MYO3A: variants seen among roughly 807,000 people sequenced by gnomAD.
The protein encoded by MYO3A is myosin-IIIa.
Under a neutral mutation model 192.7 loss-of-function variants are expected in MYO3A, and 180 were observed. That is an observed-to-expected ratio of 0.93 (90% CI 0.83 to 1.06). The LOEUF (loss-of-function observed/expected upper bound fraction) is 1.06, where lower values mean the gene tolerates loss of function less well. MYO3A is among the 50% of genes least tolerant of loss of function. The pLI is 0.00. For synonymous variants in MYO3A, 628 were observed against 645.3 expected, an observed-to-expected ratio of 0.97 and a Z score of 0.41; for missense variants, 1,896 against 1,905.0, an observed-to-expected ratio of 1.00 and a Z score of 0.09.
At chr10:26,107,496 A>G (rs1369031098) in intron 17 of MYO3A, among the ~76,000 whole-genome samples, 1 of 151,806 alleles carries the variant, frequency 6.6e-6, no homozygotes, top group Non-Finnish European at 1.5e-5. Flanking sequence ...AAAAAAAAAA[A>G]AAAAGATTAG....
chr10:26,095,622 G>C (rs923092308), intron 15 of MYO3A, among the ~76,000 whole-genome samples: 1 of 152,022 alleles, frequency 6.6e-6, no homozygotes, highest in Admixed American at 6.6e-5. Flanking sequence ...GGAAGGAGAG[G>C]GGACCCCAAG....
chr10:26,007,522 A>G (rs997428392), intron 6 of MYO3A, among the ~76,000 whole-genome samples: 2 of 152,144 alleles, frequency 1.3e-5, no homozygotes, highest in African/African-American at 4.8e-5. Flanking sequence ...CTGATAAGCA[A>G]CTTCAGCAAA....
In MYO3A at chr10:25,950,145, A is replaced by G. The variant is rs1837111900; in HGVS notation, c.-17-1949A>G. On this transcript the variant is annotated intron_variant, in intron 2 of 34. Transcript: ENST00000642920. ...GGGAGGGCCTTTCTAAGAAATTGAC[A>G]TTTGAACTGAGATCTACAGGACAAG... Among the ~76,000 whole-genome samples, 4 of 152,228 alleles carry G rather than the reference A, an allele frequency of 2.6e-5. No individual in the cohort carries two copies. In the South Asian group the frequency reaches 8.3e-4, roughly 32 times the overall value.
Position 26,120,684 on chromosome 10 carries a change from T to C in MYO3A, c.1785T>C (p.Gly595=), listed in dbSNP as rs746530670. The C allele has an allele frequency of 1.2e-5, 20 of 1,613,954 alleles. No homozygotes were observed. The highest frequency in any genetic ancestry group is 4.4e-5 in the South Asian group (4 of 91,084). ...TCTGTGGTGTGTTTCAGCAACTTGG[T>C]AGTATATACAGCATACTCGCTGCAA... The part of the protein sequence containing the change: ...KVIGFTMEQL[G]SIYSILAAIL... Residue 595 remains glycine, a synonymous_variant, in exon 18 of 35, where the codon GGT becomes GGC. Transcript: ENST00000642920.
chr10:25,997,539 A>G (rs1262001650), intron 6 of MYO3A, among the ~76,000 whole-genome samples: 2 of 152,200 alleles, frequency 1.3e-5, no homozygotes, highest in Non-Finnish European at 2.9e-5. Flanking sequence ...TGATTACTGT[A>G]AGCCTATAAT....
At chr10:26,137,115 TG>T (rs1340379980) in intron 20 of MYO3A, among the ~76,000 whole-genome samples, 2 of 152,190 alleles carry the variant, frequency 1.3e-5, no homozygotes, top group East Asian at 3.8e-4. Flanking sequence ...ATAAAATTAT[TG>T]TTGATTCTTA....
intron 6 of MYO3A, among the ~76,000 whole-genome samples, chr10:26,002,870 C>G (rs1252414029): frequency 3.9e-5 from 6 of 152,148 alleles, no homozygotes. Flanking sequence ...ACGCCCTGTA[C>G]TTCATTTAGC....
intron 3 of MYO3A, among the ~76,000 whole-genome samples, chr10:25,953,000 A>G (rs1837305144): frequency 1.3e-5 from 2 of 151,762 alleles, no homozygotes; most frequent in Admixed American, 1.3e-4. Flanking sequence ...GTTTCAGAAT[A>G]TCTTCAGGTT....
At chr10:25,965,881 A>G (rs1274220762) in intron 4 of MYO3A, among the ~76,000 whole-genome samples, 1 of 151,762 alleles carries the variant, frequency 6.6e-6, no homozygotes, top group Non-Finnish European at 1.5e-5. Context: ...TGCAGCACCC[A>G]GAGAAACTCT....
chr10:26,206,065 A>AT (rs746654545), intron 34 of MYO3A, among the ~76,000 whole-genome samples: 5,525 of 141,552 alleles, frequency 0.039, 294 homozygotes, highest in African/African-American at 0.12. Context: ...CTGAGTGCAG[A>AT]TTTTTTTTTT....
At chr10:26,154,264 C>T (rs550640854) in intron 24 of MYO3A, among the ~76,000 whole-genome samples, 1 of 152,274 alleles carries the variant, frequency 6.6e-6, no homozygotes, top group East Asian at 1.9e-4. Context: ...TCACTGCAAC[C>T]TCTGCCTCCC....
intron 11 of MYO3A, 43 bp from the exon 12 acceptor site, chr10:26,068,725 C>T (rs768911875): frequency 5.3e-6 from 7 of 1,311,398 alleles, no homozygotes; most frequent in Non-Finnish European, 6.6e-6. Flanking sequence ...TAGTTGACCA[C>T]AAATAATTTT....
chr10:26,128,223 T>C (rs908451071), intron 19 of MYO3A, among the ~76,000 whole-genome samples, 168 bp from the exon 20 acceptor site: 1 of 152,208 alleles, frequency 6.6e-6, no homozygotes, highest in Non-Finnish European at 1.5e-5. Context: ...TCTGCCGTTA[T>C]CTTTATGTGC....
intron 2 of MYO3A, among the ~76,000 whole-genome samples, chr10:25,951,754 C>G (rs1037512039): frequency 7.2e-5 from 11 of 151,920 alleles, no homozygotes; most frequent in Admixed American, 2.0e-4. Context: ...AAGGTTCATT[C>G]TAAAATTATT....
At chr10:26,007,928 A>C (rs1263648919) in intron 6 of MYO3A, among the ~76,000 whole-genome samples, 1 of 152,146 alleles carries the variant, frequency 6.6e-6, no homozygotes, top group Non-Finnish European at 1.5e-5. Flanking sequence ...TCGCTAAGTC[A>C]ATCCTAAGCC....
intron 10 of MYO3A, among the ~76,000 whole-genome samples, chr10:26,049,770 G>C (rs540708938): frequency 6.8e-6 from 1 of 146,476 alleles, no homozygotes; most frequent in Non-Finnish European, 1.5e-5. Context: ...TTGCCTTCTG[G>C]GTTCAAGCAA....
In MYO3A at chr10:25,936,640, C is replaced by T. The variant is rs1331040404; in HGVS notation, c.-18+810C>T. Among the ~76,000 whole-genome samples, 7 of 152,090 alleles carry T rather than the reference C, an allele frequency of 4.6e-5. No individual in the cohort carries two copies. The East Asian group carries it at 1.4e-3, about 29-fold the overall frequency. Reference sequence around the variant, plus strand: ...CACAGACGATCCCTTACTACTTTGGCGACACATTGGGAGTTAGGAACCTCA... The same window carrying T: ...CACAGACGATCCCTTACTACTTTGGTGACACATTGGGAGTTAGGAACCTCA... On this transcript the variant is annotated intron_variant, in intron 2 of 34. Coordinates refer to ENST00000642920, the MANE Select transcript of MYO3A (RefSeq NM_017433.5).
chr10:26,067,010 A>C lies in MYO3A; in HGVS notation c.989A>C (p.Asn330Thr), dbSNP rs777804932. Reference sequence around the variant, plus strand: ...ATTCACACGAAGAAAGGGAACTTCAACCGACCTCTAATATCCAATCTGAAG... The same window carrying C: ...ATTCACACGAAGAAAGGGAACTTCACCCGACCTCTAATATCCAATCTGAAG... ...ERIHTKKGNFNRPLISNLKDV... is the reference protein window; with the variant it reads ...ERIHTKKGNFTRPLISNLKDV... The change falls in exon 11 of 35, where the codon AAC becomes ACC. Residue 330 changes from asparagine to threonine, a missense_variant. Asn to Thr is a moderately conservative substitution (Grantham distance 65). Transcript: ENST00000642920. The C allele has an allele frequency of 1.2e-6, 2 of 1,612,982 alleles. No homozygotes were observed. The highest frequency in any genetic ancestry group is 1.7e-6 in the Non-Finnish European group (2 of 1,178,970).
chr10:26,206,378 T>C (rs923848211), intron 34 of MYO3A, among the ~76,000 whole-genome samples: 7 of 149,362 alleles, frequency 4.7e-5, no homozygotes, highest in African/African-American at 1.7e-4. Context: ...CTTTTTTACA[T>C]ACTGATTTCA....
Sources: allele counts gnomAD v4.1 joint callset (sites outside exome capture counted in the v4.1 genomes callset), GRCh38; gene constraint gnomAD v4.1.1; transcripts MANE v1.5; gene names NCBI Gene and HGNC (gene_info 2026-07-23, HGNC 2026-07-21).